HTR2C: variants seen among roughly 807,000 people sequenced by gnomAD.
HTR2C encodes 5-hydroxytryptamine receptor 2C, also known as 5-hydroxytryptamine (serotonin) receptor 2C, G protein-coupled.
Under a neutral mutation model 21.0 loss-of-function variants are expected in HTR2C, and 5 were observed. The ratio of observed to expected loss-of-function variants is 0.24; its 90% confidence interval spans 0.12 to 0.50. HTR2C has a LOEUF of 0.50. Among genes scored for constraint, HTR2C ranks in the 20% least tolerant of loss-of-function variants. HTR2C has a pLI of 0.98. For missense variants in HTR2C, 271 were observed against 371.2 expected (o/e 0.73, Z 2.22); for synonymous variants, 150 against 145.3 (o/e 1.03, Z -0.23).
chrX:114,701,177 T>C (rs782318503), intron 2 of HTR2C, among the ~76,000 whole-genome samples: 13 of 112,129 alleles, frequency 1.2e-4, no homozygotes, highest in African/African-American at 3.2e-4. Context: ...CAGACTTAAA[T>C]GTCACTGTCT....
At chrX:114,836,939 A>C (rs1346188847) in intron 4 of HTR2C, among the ~76,000 whole-genome samples, 1 of 112,021 alleles carries the variant, frequency 8.9e-6, no homozygotes, top group African/African-American at 3.2e-5. Flanking sequence ...TTCATAACAC[A>C]GTAATAAGTA....
chrX:114,758,611 G>GT lies in HTR2C; in HGVS notation c.349+27010dup, dbSNP rs1442956055. On this transcript the variant is annotated intron_variant, in intron 4 of 5. Coordinates refer to ENST00000276198, the MANE Select transcript of HTR2C (RefSeq NM_000868.4). ...CTATTAGGCCTTTCAAAAATATATGGTTTTTTCTGAGGTTTTCAAGTTATA... is the reference window on the plus strand; with the variant it reads ...CTATTAGGCCTTTCAAAAATATATGGTTTTTTTCTGAGGTTTTCAAGTTATA... Among the ~76,000 whole-genome samples the GT allele has an allele frequency of 2.7e-5, 3 of 111,273 alleles. No homozygotes were observed. In the Admixed American group the frequency reaches 2.9e-4, roughly 11 times the overall value.
chrX:114,755,658 T>G (rs782467501), intron 4 of HTR2C, among the ~76,000 whole-genome samples: 1 of 111,573 alleles, frequency 9.0e-6, no homozygotes, highest in Non-Finnish European at 1.9e-5. Flanking sequence ...GACTTGGCTA[T>G]TTTTTGGGGG....
chrX:114,842,156 TAAGGGAGC>T (rs1407651010), intron 4 of HTR2C, among the ~76,000 whole-genome samples: 1 of 112,200 alleles, frequency 8.9e-6, no homozygotes, highest in African/African-American at 3.2e-5. Flanking sequence ...TGCTTTGCAG[TAAGGGAGC>T]ACTGTAGGGT....
intron 4 of HTR2C, among the ~76,000 whole-genome samples, chrX:114,840,899 C>A (rs1270154376): frequency 9.0e-6 from 1 of 111,340 alleles, no homozygotes; most frequent in African/African-American, 3.3e-5. Flanking sequence ...TATAAAAGAA[C>A]AATGAGTTAT....
At chrX:114,863,333 G>A (rs1301418769) in intron 5 of HTR2C, among the ~76,000 whole-genome samples, 4 of 111,026 alleles carry the variant, frequency 3.6e-5, no homozygotes, top group African/African-American at 9.8e-5. Context: ...ACTCCCCTTT[G>A]ATATGTTGTG....
intron 4 of HTR2C, among the ~76,000 whole-genome samples, chrX:114,837,764 TA>T (rs1433268667): frequency 9.0e-6 from 1 of 111,238 alleles, no homozygotes; most frequent in Admixed American, 9.6e-5. Context: ...TTATACAAGT[TA>T]GTTTATACTC....
intron 4 of HTR2C, chrX:114,823,643 C>A: frequency 6.6e-6 from 2 of 303,267 alleles, no homozygotes; most frequent in Non-Finnish European, 1.3e-5. Context: ...GATGCTAGAG[C>A]TGCATCACTA....
At chrX:114,881,490 T>C (rs782026807) in intron 5 of HTR2C, among the ~76,000 whole-genome samples, 2 of 107,814 alleles carry the variant, frequency 1.9e-5, no homozygotes, top group South Asian at 3.8e-4. Context: ...GTCTTTGAAC[T>C]ATTTTGAGGG....
intron 5 of HTR2C, among the ~76,000 whole-genome samples, chrX:114,869,869 G>T (rs1344769906): frequency 9.0e-6 from 1 of 111,568 alleles, no homozygotes; most frequent in Non-Finnish European, 1.9e-5. Flanking sequence ...TTTTTATCAT[G>T]AAGTGATGCT....
At chrX:114,748,935 T>C (rs1219227419) in intron 4 of HTR2C, among the ~76,000 whole-genome samples, 1 of 111,216 alleles carries the variant, frequency 9.0e-6, no homozygotes, top group Non-Finnish European at 1.9e-5. Flanking sequence ...ATTGAGCCAA[T>C]GAAGAAAAGC....
At chrX:114,902,667 G>C in intron 5 of HTR2C, among the ~76,000 whole-genome samples, 1 of 110,724 alleles carries the variant, frequency 9.0e-6, no homozygotes. Context: ...CTGGAGTGCA[G>C]TGGCGGGATC....
intron 4 of HTR2C, among the ~76,000 whole-genome samples, chrX:114,782,912 A>G (rs1556440953): frequency 9.0e-6 from 1 of 111,637 alleles, no homozygotes; most frequent in Admixed American, 9.6e-5. Context: ...TTTAATTTAT[A>G]AAATAACCAG....
At chrX:114,635,541 T>G (rs1929809243) in intron 2 of HTR2C, among the ~76,000 whole-genome samples, 1 of 112,165 alleles carries the variant, frequency 8.9e-6, no homozygotes, top group Non-Finnish European at 1.9e-5. Context: ...TGGCTAACTT[T>G]GTATCATTGA....
At chrX:114,780,840 A>T (rs994706779) in intron 4 of HTR2C, among the ~76,000 whole-genome samples, 1 of 112,005 alleles carries the variant, frequency 8.9e-6, no homozygotes, top group Non-Finnish European at 1.9e-5. Flanking sequence ...TTAGGCACGC[A>T]CAAGTTCAAA....
chrX:114,700,678 A>C (rs1364600874), intron 2 of HTR2C, among the ~76,000 whole-genome samples: 6 of 112,449 alleles, frequency 5.3e-5, no homozygotes, highest in African/African-American at 1.9e-4. Context: ...TATCAGGTTA[A>C]TCTCACTAGG....
intron 1 of HTR2C, among the ~76,000 whole-genome samples, chrX:114,611,823 GAGT>G (rs1468436311): frequency 9.0e-6 from 1 of 111,069 alleles, no homozygotes; most frequent in Admixed American, 9.5e-5. Flanking sequence ...TCAGCCTCCC[GAGT>G]AGCTGAGACT....
chrX:114,909,599 T>A lies in HTR2C; in HGVS notation c.*2184T>A, dbSNP rs1265510225. ...CACAGATTTCCAAAAGTACTAGCAA[T>A]AAGTTGAATGATAATAGCTCACAGC... On this transcript the variant is annotated 3_prime_UTR_variant, in exon 6 of 6. Transcript: ENST00000276198. 1 of 112,256 alleles carries A rather than the reference T, an allele frequency of 8.9e-6. No homozygotes were observed. Among genetic ancestry groups the A allele is most frequent in the African/African-American group, 3.2e-5 (1 of 30,811 alleles). 9.3% of individuals were successfully genotyped at this position (112,256 alleles called of 1,213,427 possible).
chrX:114,617,197 GA>G (rs1443269603), intron 2 of HTR2C, among the ~76,000 whole-genome samples: 3 of 112,244 alleles, frequency 2.7e-5, no homozygotes, highest in African/African-American at 9.7e-5. Flanking sequence ...CCAGCAGTTT[GA>G]AAAGTCAAGG....
Sources: gnomAD v4.1 joint callset for allele counts (sites outside exome capture counted in the v4.1 genomes callset) on GRCh38, gnomAD v4.1.1 for gene constraint, MANE v1.5 for transcripts, NCBI Gene and HGNC (gene_info 2026-07-23, HGNC 2026-07-21) for gene names.